SLC39A11: variants seen among roughly 807,000 people sequenced by gnomAD.
SLC39A11 encodes solute carrier family 39 member 11, also known as zinc transporter ZIP11.
Under a neutral mutation model 36.1 loss-of-function variants are expected in SLC39A11, and 33 were observed. The ratio of observed to expected loss-of-function variants is 0.91; its 90% CI spans 0.69 to 1.22. The LOEUF is 1.22. Among genes scored for constraint, SLC39A11 ranks in the 50% most tolerant of loss-of-function variants. The pLI, the probability that SLC39A11 is intolerant of heterozygous loss-of-function variation, is 0.00. For missense variants in SLC39A11, 432 were observed against 430.3 expected (o/e 1.00, Z -0.03); for synonymous variants, 166 against 170.3 (o/e 0.97, Z 0.20).
chr17:72,867,841 T>TA (rs919085399), intron 5 of SLC39A11, among the ~76,000 whole-genome samples: 2 of 151,782 alleles, frequency 1.3e-5, no homozygotes, highest in African/African-American at 2.4e-5. Flanking sequence ...TTAATAGTGT[T>TA]AAAAAAATTA....
intron 6 of SLC39A11, among the ~76,000 whole-genome samples, chr17:72,798,929 T>C (rs867613462): frequency 7.2e-5 from 11 of 151,804 alleles, no homozygotes; most frequent in African/African-American, 1.5e-4. Flanking sequence ...ATGTAGAGAA[T>C]TGAGAAGAGA....
intron 4 of SLC39A11, among the ~76,000 whole-genome samples, chr17:73,031,273 T>C (rs1357473974): frequency 1.7e-5 from 2 of 119,290 alleles, no homozygotes; most frequent in African/African-American, 1.1e-4. Flanking sequence ...TCCTCTCATA[T>C]ATATACAGTG....
chr17:72,819,068 C>T (rs1336215874), intron 6 of SLC39A11: 1 of 151,992 alleles, frequency 6.6e-6, no homozygotes, highest in Admixed American at 6.6e-5. Context: ...ACTGTCTCTC[C>T]CCCAAATTAA....
intron 4 of SLC39A11, among the ~76,000 whole-genome samples, chr17:73,014,701 G>A (rs541941277): frequency 6.6e-6 from 1 of 152,172 alleles, no homozygotes; most frequent in Non-Finnish European, 1.5e-5. Flanking sequence ...TGGGGCCCAC[G>A]TTGCTTCACC....
intron 5 of SLC39A11, among the ~76,000 whole-genome samples, chr17:72,923,622 G>A (rs1169831248): frequency 6.6e-6 from 1 of 152,198 alleles, no homozygotes; most frequent in Non-Finnish European, 1.5e-5. Flanking sequence ...GAAGGCAGGA[G>A]TTGCAATGAA....
At chr17:72,941,862 C>CTATT (rs141344356) in intron 5 of SLC39A11, among the ~76,000 whole-genome samples, 10,275 of 144,682 alleles carry the variant, frequency 0.071, 422 homozygotes, top group South Asian at 0.15. Context: ...TTGCTTCATT[C>CTATT]TATTTATTTA....
At chr17:72,822,098 G>A (rs555831576) in intron 6 of SLC39A11, 1 of 151,334 alleles carries the variant, frequency 6.6e-6, no homozygotes, top group African/African-American at 2.4e-5. Flanking sequence ...ACTCCAGGGA[G>A]GCTGAAAATT....
intron 4 of SLC39A11, among the ~76,000 whole-genome samples, chr17:73,023,824 T>A (rs1000618662): frequency 2.0e-5 from 3 of 152,048 alleles, no homozygotes; most frequent in African/African-American, 7.2e-5. Context: ...CTTGGTCCAA[T>A]GTGGCTGGTG....
Position 72,740,056 on chromosome 17 carries a change from C to CT in SLC39A11, c.602-3338dup, listed in dbSNP as rs386386565. ...AGCTAGATAGAATTTCTTTCCTTTT[C>CT]TTTTTTTTTTTTTTTTTTTTTTTTG... On this transcript the variant is annotated intron_variant, in intron 6 of 9. Transcript: ENST00000255559. Among the ~76,000 whole-genome samples, 502 of 81,394 alleles carry CT rather than the reference C, an allele frequency of 6.2e-3. 48 individuals are homozygous for CT. The highest frequency in any genetic ancestry group is 0.017 in the African/African-American group (320 of 19,362). 53.4% of individuals were successfully genotyped at this position (81,394 alleles called of 152,430 possible). A position where few individuals can be genotyped will look rare whatever the true frequency, so the allele number is the denominator to read the frequency against.
intron 5 of SLC39A11, among the ~76,000 whole-genome samples, chr17:72,934,731 T>G (rs2084639935): frequency 2.0e-5 from 3 of 152,004 alleles, no homozygotes; most frequent in Admixed American, 2.0e-4. Flanking sequence ...AGCAAAAGAT[T>G]TTGACACCAA....
chr17:72,838,490 A>G (rs926823466), intron 6 of SLC39A11, among the ~76,000 whole-genome samples: 2 of 152,136 alleles, frequency 1.3e-5, no homozygotes, highest in Non-Finnish European at 2.9e-5. Context: ...TCAGTCTCCC[A>G]AAATGCTGGG....
intron 6 of SLC39A11, among the ~76,000 whole-genome samples, chr17:72,792,103 A>C (rs2076726470): frequency 6.6e-6 from 1 of 152,188 alleles, no homozygotes; most frequent in Admixed American, 6.5e-5. Context: ...GACATCCCTC[A>C]CCTTAAATAG....
At chr17:73,090,089 T>C (rs938160422) in intron 1 of SLC39A11, among the ~76,000 whole-genome samples, 1 of 152,172 alleles carries the variant, frequency 6.6e-6, no homozygotes, top group Non-Finnish European at 1.5e-5. Flanking sequence ...GGCTCAGCCC[T>C]GCCAGTTCCC....
chr17:72,740,838 A>G (rs2074663463), intron 6 of SLC39A11, among the ~76,000 whole-genome samples: 2 of 152,046 alleles, frequency 1.3e-5, no homozygotes, highest in East Asian at 3.9e-4. Context: ...GCAATGGCGC[A>G]ATCTTGGCTC....
rs1185856731 is a variant in SLC39A11 at position 72,903,286 on chromosome 17, A to AG, written c.430+44465_430+44466insC. ...GTCTCGAAAAGAAAAAAAAAAAAAA[A>AG]AAAGAAATTCCATCAAAATAAACAA... On this transcript the variant is annotated intron_variant, in intron 5 of 9. Coordinates refer to ENST00000255559, the MANE Select transcript of SLC39A11 (RefSeq NM_139177.4). Among the ~76,000 whole-genome samples the AG allele has an allele frequency of 1.7e-3, 260 of 151,800 alleles. 1 individual carries two copies. The highest frequency in any genetic ancestry group is 5.7e-3 in the African/African-American group (237 of 41,382).
intron 6 of SLC39A11, among the ~76,000 whole-genome samples, chr17:72,777,869 A>ATG (rs2076186370): frequency 1.5e-4 from 22 of 149,956 alleles, no homozygotes; most frequent in Non-Finnish European, 2.8e-4. Context: ...ATGTATGTAT[A>ATG]TATGTATGTA....
At chr17:72,700,719 C>T (rs145150070) in intron 7 of SLC39A11, among the ~76,000 whole-genome samples, 70 of 152,364 alleles carry the variant, frequency 4.6e-4, no homozygotes, top group African/African-American at 1.4e-3. Context: ...ACTCACAATT[C>T]CACGTGGATG....
intron 5 of SLC39A11, among the ~76,000 whole-genome samples, chr17:72,942,570 G>C (rs1052832529): frequency 6.6e-6 from 1 of 152,132 alleles, no homozygotes; most frequent in African/African-American, 2.4e-5. Context: ...CACTAAATTT[G>C]ACTGGAAATA....
chr17:72,941,351 C>T (rs184435980), intron 5 of SLC39A11, among the ~76,000 whole-genome samples: 69 of 152,234 alleles, frequency 4.5e-4, no homozygotes, highest in African/African-American at 1.6e-3. Flanking sequence ...CAGAAGAAAC[C>T]GACCAATCTT....
Sources: allele counts gnomAD v4.1 joint callset (sites outside exome capture counted in the v4.1 genomes callset), GRCh38; gene constraint gnomAD v4.1.1; transcripts MANE v1.5; gene names NCBI Gene and HGNC (gene_info 2026-07-23, HGNC 2026-07-21).